The following ARVCF variants were observed in gnomAD, a reference collection of about 807,000 sequenced individuals.
ARVCF encodes ARVCF delta catenin family member.
A neutral mutation model predicts 90.9 loss-of-function variants in ARVCF; 66 were observed. That is an observed-to-expected ratio of 0.73 (90% CI 0.60 to 0.89). The LOEUF (loss-of-function observed/expected upper bound fraction) is 0.89. Among genes scored for constraint, ARVCF ranks in the 40% least tolerant of loss-of-function variants. ARVCF has a pLI of 0.00. For synonymous variants in ARVCF, 653 were observed against 603.4 expected (o/e 1.08, Z -1.21); for missense variants, 1,469 against 1,382.3 (o/e 1.06, Z -1.00).
downstream of ARVCF, among the ~76,000 whole-genome samples, chr22:19,965,806 A>G (rs1320620213): frequency 1.2e-5 from 1 of 82,228 alleles, no homozygotes; most frequent in Non-Finnish European, 2.4e-5. Context: ...GTAGTGGCCA[A>G]GGGGGTGGGC....
rs1943397510 is a variant in ARVCF, at chr22:19,980,011, G to A, written c.1128C>T (p.Ala376=). 1.3e-6 allele frequency: 2 copies of A among 1,593,964 alleles called. No individual in the cohort carries two copies. Among genetic ancestry groups the A allele is most frequent in the African/African-American group, 1.3e-5 (1 of 74,582 alleles). The change falls in exon 6 of 20, where the codon GCC becomes GCT. Residue 376 remains alanine, a synonymous_variant. Coordinates refer to ENST00000263207, the MANE Select transcript of ARVCF (RefSeq NM_001670.3). Reference sequence around the variant, plus strand: ...GATGCTGCAGGTAGGCGGCCGCATTGGCCTTCACGGGGTCCACGGGGTGCC... The same window carrying A: ...GATGCTGCAGGTAGGCGGCCGCATTAGCCTTCACGGGGTCCACGGGGTGCC... The part of the protein sequence containing the change: ...MLRHPVDPVK[A]NAAAYLQHLC...
At chr22:20,003,766 C>G (rs1944523996) in intron 2 of ARVCF, among the ~76,000 whole-genome samples, 5 of 152,172 alleles carry the variant, frequency 3.3e-5, no homozygotes, top group Admixed American at 3.3e-4. Context: ...ACATCATACT[C>G]AATGGTGAAA....
At chr22:19,966,924 T>A (rs1458070982), downstream of ARVCF, 3 of 984,934 alleles carry the variant, frequency 3.0e-6, no homozygotes, top group African/African-American at 5.2e-5. Flanking sequence ...TCTGACACTG[T>A]CGCTTCTCCA....
At position 19,970,371 on chromosome 22, in the gene ARVCF, T is replaced by C. The variant is rs962099678; in HGVS notation, c.*385A>G. On this transcript the variant is annotated 3_prime_UTR_variant, in exon 20 of 20. Coordinates refer to ENST00000263207, the MANE Select transcript of ARVCF (RefSeq NM_001670.3). ...AGCTGCCTGCCCCTGGCGCCAGACC[T>C]GGCCCGCACCACTGGGGCACTGTGT... is the stretch of plus-strand genomic sequence containing the variant. The C allele has an allele frequency of 8.9e-6, 9 of 1,006,754 alleles. No individual in the cohort carries two copies. In the African/African-American group the frequency reaches 1.2e-4, roughly 14 times the overall value. 62.4% of individuals were successfully genotyped at this position (1,006,754 alleles called of 1,614,324 possible). A position where few individuals can be genotyped will look rare whatever the true frequency, so the allele number is the denominator to read the frequency against.
At chr22:19,990,916 ACCAGAGCAT>A in intron 2 of ARVCF, 104 bp from the exon 3 acceptor site, 3 of 1,141,580 alleles carry the variant, frequency 2.6e-6, no homozygotes, top group Non-Finnish European at 3.7e-6. Context: ...TCACTCCCAG[ACCAGAGCAT>A]CCAGCCCTCT....
chr22:19,971,821 C>T, intron 18 of ARVCF, 65 bp downstream of exon 18: 5 of 1,565,880 alleles, frequency 3.2e-6, no homozygotes, highest in Non-Finnish European at 4.4e-6. Flanking sequence ...GCCTAGGCTG[C>T]TCTCCAGCAA....
intron 2 of ARVCF, among the ~76,000 whole-genome samples, chr22:19,993,391 T>C (rs1277677285): frequency 1.3e-5 from 2 of 152,230 alleles, no homozygotes; most frequent in Non-Finnish European, 2.9e-5. Context: ...ATATATGATG[T>C]CAAGGAAAGC....
intron 3 of ARVCF, among the ~76,000 whole-genome samples, chr22:19,987,802 A>G (rs1386795866): frequency 6.6e-6 from 1 of 151,704 alleles, no homozygotes; most frequent in East Asian, 1.9e-4. Flanking sequence ...CCTGCAGGGG[A>G]CCCCCACTTT....
chr22:19,979,715 G>T (rs571796470), intron 6 of ARVCF, 28 bp downstream of exon 6: 23 of 1,569,614 alleles, frequency 1.5e-5, no homozygotes, highest in East Asian at 1.4e-4. Context: ...CTTCCCAGGG[G>T]ATGTGAGCAT....
At chr22:19,979,630 G>T in intron 6 of ARVCF, 113 bp downstream of exon 6, 1 of 1,428,742 alleles carries the variant, frequency 7.0e-7, no homozygotes, top group Non-Finnish European at 9.3e-7. Context: ...CTGCACTCCT[G>T]CCTACCGGGT....
chr22:19,978,684 C>A (rs1943303169), intron 7 of ARVCF, among the ~76,000 whole-genome samples: 1 of 152,158 alleles, frequency 6.6e-6, no homozygotes, highest in African/African-American at 2.4e-5. Context: ...CACAGAGACC[C>A]CTCCAGAGGG....
intron 9 of ARVCF, among the ~76,000 whole-genome samples, chr22:19,977,102 T>C (rs772512371): frequency 2.0e-5 from 3 of 152,210 alleles, no homozygotes; most frequent in South Asian, 2.1e-4. Context: ...GCAGCAGCCA[T>C]GGCTCCTTCC....
At chr22:20,010,975 C>T (rs780946294) in intron 1 of ARVCF, among the ~76,000 whole-genome samples, 3 of 152,246 alleles carry the variant, frequency 2.0e-5, no homozygotes, top group Non-Finnish European at 2.9e-5. Flanking sequence ...CTGAGGCCAA[C>T]ATAGATCCTG....
At chr22:20,010,092 T>C (rs1014528908) in intron 2 of ARVCF, among the ~76,000 whole-genome samples, 1 of 152,220 alleles carries the variant, frequency 6.6e-6, no homozygotes, top group Non-Finnish European at 1.5e-5. Flanking sequence ...GTGCCAATAC[T>C]GGATGCCACT....
intron 3 of ARVCF, among the ~76,000 whole-genome samples, chr22:19,983,197 G>A (rs1347420762): frequency 6.6e-6 from 1 of 152,228 alleles, no homozygotes; most frequent in African/African-American, 2.4e-5. Context: ...GGGTCAGGCG[G>A]AGCACATTCC....
chr22:20,006,868 G>C (rs997018149), intron 2 of ARVCF, among the ~76,000 whole-genome samples: 2 of 151,804 alleles, frequency 1.3e-5, no homozygotes, highest in African/African-American at 4.8e-5. Flanking sequence ...TTGACCTCGT[G>C]ATCTGCCTGC....
intron 18 of ARVCF, 123 bp downstream of exon 18, chr22:19,971,762 TG>T: frequency 9.8e-7 from 1 of 1,020,594 alleles, no homozygotes; most frequent in Non-Finnish European, 1.5e-6. Context: ...TTCCTGGGCT[TG>T]GCCCCACAAC....
chr22:19,986,107 C>G lies in ARVCF; in HGVS notation c.211-4016G>C, dbSNP rs553353753. On this transcript the variant is annotated intron_variant, in intron 3 of 19. Transcript: ENST00000263207. ...CAGGCAGAGATGCCAAAAAGCCAAGCTGGGGGAGCAAACTTGGGGTGGGAG... is the reference window on the plus strand; with the variant it reads ...CAGGCAGAGATGCCAAAAAGCCAAGGTGGGGGAGCAAACTTGGGGTGGGAG... 3.7e-4 allele frequency among the ~76,000 whole-genome samples: 56 copies of G among 152,352 alleles called. 1 individual carries two copies. The South Asian group carries it at 8.9e-3, about 24-fold the overall frequency.
At chr22:19,983,848 G>A (rs1943627211) in intron 3 of ARVCF, 1 of 152,358 alleles carries the variant, frequency 6.6e-6, no homozygotes, top group South Asian at 2.1e-4. Flanking sequence ...CTGAGGCCTA[G>A]AGTGGGGACA....
Sources: allele counts gnomAD v4.1 joint callset (sites outside exome capture counted in the v4.1 genomes callset), GRCh38; gene constraint gnomAD v4.1.1; transcripts MANE v1.5; gene names NCBI Gene and HGNC (gene_info 2026-07-23, HGNC 2026-07-21).